Variants in PAIP2B observed in about 807,000 individuals in gnomAD.
PAIP2B encodes the protein polyadenylate-binding protein-interacting protein 2B.
In PAIP2B, 13 loss-of-function variants were observed where a neutral mutation model predicts 17.0. That is an observed-to-expected ratio of 0.76 (90% confidence interval 0.50 to 1.22). PAIP2B has a LOEUF of 1.22. Ranked by LOEUF, PAIP2B falls within the 50% of genes most tolerant of loss-of-function variation. The probability of loss-of-function intolerance (pLI) is 0.00; values close to 1 mark genes in which losing one functional copy is unlikely to be tolerated. For missense variants in PAIP2B, 117 were observed against 144.5 expected (o/e 0.81, Z 0.98); for synonymous variants, 43 against 48.7 (o/e 0.88, Z 0.48).
chr2:71,213,867 G>A (rs548953469), intron 1 of PAIP2B, among the ~76,000 whole-genome samples: 1 of 152,210 alleles, frequency 6.6e-6, no homozygotes, highest in South Asian at 2.1e-4. Flanking sequence ...AATACAAGGG[G>A]GAAAGGACAG....
At chr2:71,215,092 T>C (rs964212336) in intron 1 of PAIP2B, among the ~76,000 whole-genome samples, 3 of 152,142 alleles carry the variant, frequency 2.0e-5, no homozygotes, top group African/African-American at 7.2e-5. Context: ...ATGAATTTAA[T>C]GTTACAAAAA....
chr2:71,192,262 A>ATT lies in PAIP2B; in HGVS notation c.139-2243_139-2242dup, dbSNP rs56380844. On this transcript the variant is annotated intron_variant, in intron 2 of 3. Coordinates refer to ENST00000244221, the MANE Select transcript of PAIP2B (RefSeq NM_020459.1). ...CTGTATTTTGCTTCATAGATACTGC[A>ATT]TTTTTTTTTTTTTTTTTACAAATTG... 3.1e-3 allele frequency among the ~76,000 whole-genome samples: 435 copies of ATT among 142,242 alleles called. 4 individuals are homozygous for ATT. The East Asian group carries it at 0.037, about 12-fold the overall frequency. The allele number at this position is 142,242 out of a possible 152,430, so 93.3% of individuals were successfully genotyped here. A position where few individuals can be genotyped will look rare whatever the true frequency, so the allele number is the denominator to read the frequency against.
chr2:71,214,933 A>G (rs1675390083), intron 1 of PAIP2B, among the ~76,000 whole-genome samples: 2 of 152,226 alleles, frequency 1.3e-5, no homozygotes, highest in South Asian at 4.1e-4. Flanking sequence ...ATTTTAAAAA[A>G]TATTGAGGAC....
rs183174200 is a variant in PAIP2B at position 71,208,429 on chromosome 2, C to G, written c.-11-5829G>C. Reference sequence around the variant, plus strand: ...TGGAGCGAGACTCCATTTCACCCCCCCAAAAAAAAAAGTCAAGTAGAGGAG... The same window carrying G: ...TGGAGCGAGACTCCATTTCACCCCCGCAAAAAAAAAAGTCAAGTAGAGGAG... On this transcript the variant is annotated intron_variant, in intron 1 of 3. Transcript: ENST00000244221. 6.2e-3 allele frequency among the ~76,000 whole-genome samples: 929 copies of G among 150,718 alleles called. 6 individuals are homozygous for G. Among genetic ancestry groups the G allele is most frequent in the African/African-American group, 0.021 (877 of 41,046 alleles).
rs1348812943 is a variant in PAIP2B, at chr2:71,190,033, A to C, written c.139-12T>G. 3 of 1,605,980 alleles carry C rather than the reference A, an allele frequency of 1.9e-6. No individual in the cohort carries two copies. The African/African-American group carries it at 4.0e-5, about 21-fold the overall frequency. On this transcript the variant is annotated splice_polypyrimidine_tract_variant and intron_variant, in intron 2 of 3. Transcript: ENST00000244221. ...AGTTCCTCCTCCACCTAGCAAGCAA[A>C]GGGGAGCAGCTCAGACTTACTGTCA...
intron 2 of PAIP2B, among the ~76,000 whole-genome samples, chr2:71,192,567 A>G (rs1043919423): frequency 5.9e-5 from 9 of 151,998 alleles, no homozygotes; most frequent in Admixed American, 6.6e-5. Context: ...CCCAATAGTT[A>G]CCTATTCTGC....
In PAIP2B at chr2:71,187,476, A is replaced by T. The variant is rs1230794095; in HGVS notation, c.*1003T>A. On this transcript the variant is annotated 3_prime_UTR_variant, in exon 4 of 4. Coordinates refer to ENST00000244221, the MANE Select transcript of PAIP2B (RefSeq NM_020459.1). ...CTGAGCTTCTTACTAGTGTCCTGAA[A>T]AATATTTCCTTAAAAAAGTGCATAA... The T allele has an allele frequency of 1.3e-5, 2 of 152,224 alleles. No homozygotes were observed. Among genetic ancestry groups the T allele is most frequent in the Non-Finnish European group, 2.9e-5 (2 of 68,040 alleles). The allele number at this position is 152,224 out of a possible 1,614,324, so 9.4% of individuals were successfully genotyped here.
At position 71,184,268 on chromosome 2, in the gene PAIP2B, T is replaced by C. The variant is rs1674475248; in HGVS notation, c.*4211A>G. ...GGAGCTTTTTCTTTTGAAATAAAGA[T>C]GGTGCATCTGTCCCTTTACAGATTT... On this transcript the variant is annotated 3_prime_UTR_variant, in exon 4 of 4. Transcript: ENST00000244221. The C allele has an allele frequency of 6.6e-6, 1 of 152,202 alleles. No individual in the cohort carries two copies. The highest frequency in any genetic ancestry group is 2.1e-4 in the South Asian group (1 of 4,832). The allele number at this position is 152,202 out of a possible 1,614,324, so 9.4% of individuals were successfully genotyped here.
chr2:71,224,975 T>C (rs1039172647), intron 1 of PAIP2B, among the ~76,000 whole-genome samples: 3 of 152,236 alleles, frequency 2.0e-5, no homozygotes, highest in African/African-American at 7.2e-5. Context: ...TGTAACTCTG[T>C]CATAAACTCT....
intron 2 of PAIP2B, among the ~76,000 whole-genome samples, chr2:71,192,131 A>G (rs1051485556): frequency 1.3e-5 from 2 of 152,218 alleles, no homozygotes; most frequent in African/African-American, 4.8e-5. Flanking sequence ...ATTTTCCATG[A>G]AAACACTGCA....
At chr2:71,188,934 A>G (rs1674611449) in intron 3 of PAIP2B, among the ~76,000 whole-genome samples, 1 of 152,070 alleles carries the variant, frequency 6.6e-6, no homozygotes, top group South Asian at 2.1e-4. Context: ...GTGAATATCC[A>G]AAACCTTAGC....
rs879244614 is a variant in PAIP2B at position 71,184,940 on chromosome 2, C to T, written c.*3539G>A. The T allele has an allele frequency of 1.3e-5, 2 of 152,110 alleles. No homozygotes were observed. Among genetic ancestry groups the T allele is most frequent in the Non-Finnish European group, 2.9e-5 (2 of 68,016 alleles). The allele number at this position is 152,110 out of a possible 1,614,324, so 9.4% of individuals were successfully genotyped here. ...CCTAAACTGAGAAAGATTATTAGCCCGTGATGGTGGGACCCTTATTGACGA... is the reference window on the plus strand; with the variant it reads ...CCTAAACTGAGAAAGATTATTAGCCTGTGATGGTGGGACCCTTATTGACGA... On this transcript the variant is annotated 3_prime_UTR_variant, in exon 4 of 4. Transcript: ENST00000244221.
At chr2:71,211,864 G>T (rs902087815) in intron 1 of PAIP2B, among the ~76,000 whole-genome samples, 2 of 152,102 alleles carry the variant, frequency 1.3e-5, no homozygotes, top group Non-Finnish European at 2.9e-5. Context: ...AGTTTCAAAG[G>T]TAGAATCAAA....
At chr2:71,195,729 C>A (rs1410823540) in intron 2 of PAIP2B, among the ~76,000 whole-genome samples, 1 of 152,206 alleles carries the variant, frequency 6.6e-6, no homozygotes, top group East Asian at 1.9e-4. Context: ...ACATCTGCCT[C>A]CTGGGTTCAT....
chr2:71,209,830 T>G (rs907682862), intron 1 of PAIP2B, among the ~76,000 whole-genome samples: 1 of 148,172 alleles, frequency 6.7e-6, no homozygotes, highest in South Asian at 2.1e-4. Flanking sequence ...ACATAGAACT[T>G]TTTTTTTTTT....
chr2:71,212,696 C>G (rs1311814745), intron 1 of PAIP2B, among the ~76,000 whole-genome samples: 3 of 152,170 alleles, frequency 2.0e-5, no homozygotes, highest in Non-Finnish European at 4.4e-5. Flanking sequence ...TCAAGTGATT[C>G]TCCTGCCTCA....
At chr2:71,219,959 A>G (rs981248097) in intron 1 of PAIP2B, among the ~76,000 whole-genome samples, 1 of 152,242 alleles carries the variant, frequency 6.6e-6, no homozygotes, top group Admixed American at 6.5e-5. Context: ...TCCTTTTTTA[A>G]AAACACACAC....
At position 71,189,883 on chromosome 2, in the gene PAIP2B, G is replaced by T; in HGVS notation, c.277C>A (p.Leu93Met). 6.4e-7 allele frequency: 1 copy of T among 1,565,454 alleles called. No individual in the cohort carries two copies. The change falls in exon 3 of 4, where the codon CTG (leucine) becomes ATG (methionine). Residue 93 changes from leucine (L) to methionine (M), a missense_variant. Coordinates refer to ENST00000244221, the MANE Select transcript of PAIP2B (RefSeq NM_020459.1). ...MGQLQQQLNG[L>M]SVSEGHDSED... ...GAATCATGACCTTCACTGACTGACA[G>T]TCCATTTAACTGCTGTTGCAACTGT...
intron 2 of PAIP2B, among the ~76,000 whole-genome samples, chr2:71,198,525 T>G (rs1002879349): frequency 6.6e-6 from 1 of 152,066 alleles, no homozygotes; most frequent in Non-Finnish European, 1.5e-5. Flanking sequence ...GACCTCGTGA[T>G]CCGCCCACCT....
Sources: allele counts gnomAD v4.1 joint callset (sites outside exome capture counted in the v4.1 genomes callset), GRCh38; gene constraint gnomAD v4.1.1; transcripts MANE v1.5; gene names NCBI Gene and HGNC (gene_info 2026-07-23, HGNC 2026-07-21).